SPHKAP: variants seen among roughly 807,000 people sequenced by gnomAD.
The protein encoded by SPHKAP is SPHK1 interactor, AKAP domain containing.
In SPHKAP, 67 loss-of-function variants were observed where a neutral mutation model predicts 137.5. The ratio of observed to expected loss-of-function variants is 0.49; its 90% CI spans 0.40 to 0.60. The LOEUF (loss-of-function observed/expected upper bound fraction) is 0.60. Among genes scored for constraint, SPHKAP ranks in the 20% least tolerant of loss-of-function variants. SPHKAP has a pLI of 0.00. For missense variants in SPHKAP, 2,097 were observed against 2,069.3 expected, an observed-to-expected ratio of 1.01 and a Z score of -0.26; for synonymous variants, 813 against 785.3, an observed-to-expected ratio of 1.04 and a Z score of -0.59.
chr2:227,992,888 C>A (rs1472208341), intron 9 of SPHKAP, among the ~76,000 whole-genome samples: 1 of 152,172 alleles, frequency 6.6e-6, no homozygotes, highest in Non-Finnish European at 1.5e-5. Flanking sequence ...AAATAGATTT[C>A]AATCATTTTA....
rs192751994 is a variant in SPHKAP at position 228,066,205 on chromosome 2, C to G, written c.247-38662G>C. ...TACAATGGAATAAGTGTCAGAGAAG[C>G]CCCAAATGGTTCTTTTTCATTTTTT... is the stretch of plus-strand genomic sequence containing the variant. On this transcript the variant is annotated intron_variant, in intron 3 of 11. Transcript: ENST00000392056. Among the ~76,000 whole-genome samples the G allele has an allele frequency of 8.3e-4, 127 of 152,298 alleles. No homozygotes were observed. The South Asian group carries it at 9.3e-3, about 11-fold the overall frequency.
chr2:228,112,830 A>G (rs976123841), intron 2 of SPHKAP, among the ~76,000 whole-genome samples: 2 of 152,192 alleles, frequency 1.3e-5, no homozygotes, highest in African/African-American at 4.8e-5. Flanking sequence ...CTAAAAATAT[A>G]CAAAGATCTT....
At chr2:228,032,947 G>A (rs572756512) in intron 3 of SPHKAP, among the ~76,000 whole-genome samples, 2 of 152,202 alleles carry the variant, frequency 1.3e-5, no homozygotes, top group African/African-American at 4.8e-5. Flanking sequence ...AGACCATCGA[G>A]GCTAGGAAGA....
In SPHKAP at chr2:228,031,905, A is replaced by G. The variant is rs544934653; in HGVS notation, c.247-4362T>C. Among the ~76,000 whole-genome samples, 7 of 152,338 alleles carry G rather than the reference A, an allele frequency of 4.6e-5. No individual in the cohort carries two copies. In the East Asian group the frequency reaches 1.4e-3, roughly 29 times the overall value. On this transcript the variant is annotated intron_variant, in intron 3 of 11. Coordinates refer to ENST00000392056, the MANE Select transcript of SPHKAP (RefSeq NM_001142644.2). ...CTGTACATCACCATTATCAAAGACC[A>G]AAAGTAGATAAAGCCACAAAGATGG... is the stretch of plus-strand genomic sequence containing the variant.
At chr2:228,177,450 G>A (rs997112069) in intron 1 of SPHKAP, among the ~76,000 whole-genome samples, 1 of 152,134 alleles carries the variant, frequency 6.6e-6, no homozygotes, top group Admixed American at 6.5e-5. Context: ...GAAGTTAAGT[G>A]TACTCTTAAG....
intron 3 of SPHKAP, among the ~76,000 whole-genome samples, chr2:228,055,648 G>A (rs1265960457): frequency 6.6e-6 from 1 of 152,184 alleles, no homozygotes; most frequent in Non-Finnish European, 1.5e-5. Context: ...AGGTTAAGGG[G>A]AGCTGGCGAC....
intron 3 of SPHKAP, among the ~76,000 whole-genome samples, chr2:228,089,889 T>C (rs1423882533): frequency 6.6e-6 from 1 of 151,906 alleles, no homozygotes; most frequent in African/African-American, 2.4e-5. Context: ...TTCCAGAGGA[T>C]GTATGGGAAA....
intron 3 of SPHKAP, among the ~76,000 whole-genome samples, chr2:228,039,826 G>A (rs1461642394): frequency 6.6e-6 from 1 of 152,028 alleles, no homozygotes; most frequent in Admixed American, 6.6e-5. Context: ...ACAATTGTTG[G>A]GATCAAATCC....
At chr2:227,982,778 C>T (rs367610297) in intron 11 of SPHKAP, among the ~76,000 whole-genome samples, 3 of 152,186 alleles carry the variant, frequency 2.0e-5, no homozygotes, top group East Asian at 1.9e-4. Context: ...TCTAACACTT[C>T]CGTACAATGC....
chr2:227,997,383 G>A (rs927206804), intron 7 of SPHKAP, among the ~76,000 whole-genome samples: 5 of 152,034 alleles, frequency 3.3e-5, no homozygotes, highest in African/African-American at 9.7e-5. Context: ...CCTGTTCCAC[G>A]ACTTGTCACC....
intron 2 of SPHKAP, among the ~76,000 whole-genome samples, chr2:228,123,750 C>T (rs4361122): frequency 0.34 from 52,026 of 151,894 alleles, 9,188 homozygotes; most frequent in East Asian, 0.51. Flanking sequence ...AGATCCCATT[C>T]GTCAATTTTG....
intron 3 of SPHKAP, among the ~76,000 whole-genome samples, chr2:228,053,781 T>C (rs1696341523): frequency 6.6e-6 from 1 of 152,204 alleles, no homozygotes; most frequent in Admixed American, 6.5e-5. Flanking sequence ...TTGTAATGTA[T>C]TTAGCATTCT....
intron 1 of SPHKAP, among the ~76,000 whole-genome samples, chr2:228,137,550 G>A (rs558430842): frequency 8.5e-5 from 13 of 152,208 alleles, no homozygotes; most frequent in East Asian, 5.8e-4. Flanking sequence ...GATAAGATTC[G>A]CTCTTGTCTT....
At chr2:228,158,313 A>T (rs1057034020) in intron 1 of SPHKAP, among the ~76,000 whole-genome samples, 1 of 144,362 alleles carries the variant, frequency 6.9e-6, no homozygotes, top group Non-Finnish European at 1.5e-5. Flanking sequence ...TTGTAATTGT[A>T]ATTTACTTCT....
intron 3 of SPHKAP, among the ~76,000 whole-genome samples, chr2:228,092,019 A>G (rs1489796495): frequency 6.6e-6 from 1 of 151,920 alleles, no homozygotes; most frequent in Non-Finnish European, 1.5e-5. Flanking sequence ...AAACCAGCCC[A>G]AATGCCCATC....
intron 5 of SPHKAP, among the ~76,000 whole-genome samples, chr2:228,023,512 C>T (rs1694916463): frequency 2.0e-5 from 3 of 152,164 alleles, no homozygotes; most frequent in Non-Finnish European, 2.9e-5. Flanking sequence ...TCTGTGATCC[C>T]CCGAATGGAG....
chr2:228,092,691 G>A (rs1559169700), intron 3 of SPHKAP, among the ~76,000 whole-genome samples: 1 of 147,400 alleles, frequency 6.8e-6, no homozygotes, highest in Non-Finnish European at 1.5e-5. Context: ...GTATATACGT[G>A]TATATATATA....
chr2:228,070,858 C>A (rs965269567), intron 3 of SPHKAP, among the ~76,000 whole-genome samples: 1 of 152,096 alleles, frequency 6.6e-6, no homozygotes, highest in East Asian at 1.9e-4. Flanking sequence ...CCTTATGACA[C>A]CCTGATTTAC....
intron 1 of SPHKAP, among the ~76,000 whole-genome samples, chr2:228,141,492 T>C (rs4973074): frequency 0.34 from 52,087 of 152,108 alleles, 9,193 homozygotes; most frequent in East Asian, 0.5. Context: ...CATTAATATA[T>C]GCACATTTTT....
Sources: gnomAD v4.1 joint callset for allele counts (sites outside exome capture counted in the v4.1 genomes callset) on GRCh38, gnomAD v4.1.1 for gene constraint, MANE v1.5 for transcripts, NCBI Gene and HGNC (gene_info 2026-07-23, HGNC 2026-07-21) for gene names.